Variants in ZNF471 observed in about 807,000 individuals in gnomAD.
ZNF471 encodes zinc finger protein 471, also known as EZFIT-related protein 1.
ZNF471 carries 7 observed loss-of-function variants against 13.7 expected under a neutral mutation model. The ratio of observed to expected loss-of-function variants is 0.51; its 90% CI spans 0.29 to 0.96. The LOEUF (loss-of-function observed/expected upper bound fraction) is 0.96. Ranked by LOEUF, ZNF471 falls within the 40% of genes least tolerant of loss-of-function variation. The pLI, the probability that ZNF471 is intolerant of heterozygous loss-of-function variation, is 0.08. For missense variants in ZNF471, 663 were observed against 743.3 expected (o/e 0.89, Z 1.26); for synonymous variants, 218 against 235.6 (o/e 0.93, Z 0.68).
At chr19:56,512,163 C>A (rs935019713) in intron 2 of ZNF471, among the ~76,000 whole-genome samples, 1 of 141,588 alleles carries the variant, frequency 7.1e-6, no homozygotes, top group Non-Finnish European at 1.6e-5. Flanking sequence ...ACAAAATTTA[C>A]AAACAAATTT....
Position 56,527,971 on chromosome 19 carries a change from G to A in ZNF471, c.*2023G>A, listed in dbSNP as rs1302181622. On this transcript the variant is annotated 3_prime_UTR_variant, in exon 5 of 5. Coordinates refer to ENST00000308031, the MANE Select transcript of ZNF471 (RefSeq NM_020813.4). ...TCATTACACAGGTGTCCAACCTTTTGTCTTCCCTGGGCCACATTGGAAGAA... is the reference window on the plus strand; with the variant it reads ...TCATTACACAGGTGTCCAACCTTTTATCTTCCCTGGGCCACATTGGAAGAA... The A allele has an allele frequency of 6.6e-6, 1 of 152,072 alleles. No individual in the cohort carries two copies. Among genetic ancestry groups the A allele is most frequent in the African/African-American group, 2.4e-5 (1 of 41,328 alleles). 9.4% of individuals were successfully genotyped at this position (152,072 alleles called of 1,614,324 possible). A position where few individuals can be genotyped will look rare whatever the true frequency, so the allele number is the denominator to read the frequency against.
chr19:56,509,013 T>C (rs945385415), intron 1 of ZNF471, among the ~76,000 whole-genome samples: 2 of 152,224 alleles, frequency 1.3e-5, no homozygotes, highest in East Asian at 1.9e-4. Flanking sequence ...GACAAAGTTA[T>C]GTTTCCTGGC....
chr19:56,516,426 A>C lies in ZNF471; in HGVS notation c.160+25A>C. ...GGTGAGGATCTTTTCCCTCCTGCATAATCTACCTTTAAGGAACTTTTTTGT... is the reference window on the plus strand; with the variant it reads ...GGTGAGGATCTTTTCCCTCCTGCATCATCTACCTTTAAGGAACTTTTTTGT... On this transcript the variant is annotated intron_variant, in intron 3 of 4. Transcript: ENST00000308031. This position sits in a 1 kb window ranked among gnomAD's most constrained non-coding sequence, Gnocchi z 4.4. The C allele has an allele frequency of 6.3e-7, 1 of 1,589,774 alleles. No individual in the cohort carries two copies. The highest frequency in any genetic ancestry group is 1.7e-4 in the Middle Eastern group (1 of 5,914).
chr19:56,524,880 CA>C lies in ZNF471; in HGVS notation c.816del (p.Lys272AsnfsTer117). On this transcript the variant is annotated frameshift_variant, in exon 5 of 5. Coordinates refer to ENST00000308031, the MANE Select transcript of ZNF471 (RefSeq NM_020813.4). LOFTEE classifies it low-confidence loss of function (END_TRUNC). This position sits in a 1 kb window ranked among gnomAD's most constrained non-coding sequence, Gnocchi z 4.8. ...FECKECRKAFKQSEHLIQHQR... is the reference protein window; with the variant it reads ...FECKECRKAFXQSEHLIQHQR... ...AATGTAAAGAATGTAGGAAAGCCTT[CA>C]AACAAAGTGAACACCTTATTCAGCA... 2 of 1,611,050 alleles carry C rather than the reference CA, an allele frequency of 1.2e-6. No homozygotes were observed. Among genetic ancestry groups the C allele is most frequent in the African/African-American group, 2.7e-5 (2 of 74,826 alleles).
rs753562215 is a variant in ZNF471, at chr19:56,524,528, C to T, written c.461C>T (p.Thr154Ile). 4 of 1,602,282 alleles carry T rather than the reference C, an allele frequency of 2.5e-6. No individual in the cohort carries two copies. The highest frequency in any genetic ancestry group is 2.5e-6 in the Non-Finnish European group (3 of 1,176,832). Reference sequence around the variant, plus strand: ...ATAATCACTCATAAAGAAACCATCACTAAGGAAACAGAATTCAAATATACT... The same window carrying T: ...ATAATCACTCATAAAGAAACCATCATTAAGGAAACAGAATTCAAATATACT... ...KEIITHKETI[T>I]KETEFKYTKF... Residue 154 changes from threonine to isoleucine, a missense_variant, in exon 5 of 5, where the codon ACT becomes ATT. By Grantham distance (89) the Thr-to-Ile change is moderately conservative (BLOSUM62 -1). Coordinates refer to ENST00000308031, the MANE Select transcript of ZNF471 (RefSeq NM_020813.4). This position sits in a 1 kb window ranked among gnomAD's most constrained non-coding sequence, Gnocchi z 4.8.
chr19:56,509,829 CTT>C, intron 1 of ZNF471: 1 of 984,818 alleles, frequency 1.0e-6, no homozygotes, highest in Middle Eastern at 5.2e-4. Context: ...TGTTTTTCCT[CTT>C]TGTCACCTGA....
rs780943357 is a variant in ZNF471 at position 56,518,535 on chromosome 19, C to A, written c.214C>A (p.Pro72Thr). ...VISLLEQGRE[P>T]WEMTSEMTRS... ...CTCCTTATTGGAGCAAGGGAGAGAG[C>A]CTTGGGAGATGACGAGTGAGATGAC... The change falls in exon 4 of 5, where the codon CCT (proline) becomes ACT (threonine). Residue 72 changes from proline to threonine, a missense_variant. Coordinates refer to ENST00000308031, the MANE Select transcript of ZNF471 (RefSeq NM_020813.4). The A allele has an allele frequency of 2.5e-6, 4 of 1,613,542 alleles. No homozygotes were observed. The Middle Eastern group carries it at 5.0e-4, about 200-fold the overall frequency.
intron 4 of ZNF471, among the ~76,000 whole-genome samples, chr19:56,521,654 A>AAC (rs1555765596): frequency 7.2e-6 from 1 of 138,586 alleles, no homozygotes; most frequent in Non-Finnish European, 1.6e-5. Flanking sequence ...AAAAAAAAAA[A>AAC]AAAAACTCTT....
rs575963178 is a variant in ZNF471 at position 56,516,038 on chromosome 19, C to T, written c.34-237C>T. 4.6e-5 allele frequency among the ~76,000 whole-genome samples: 7 copies of T among 152,282 alleles called. No homozygotes were observed. In the South Asian group the frequency reaches 1.2e-3, roughly 27 times the overall value. On this transcript the variant is annotated intron_variant, in intron 2 of 4. Coordinates refer to ENST00000308031, the MANE Select transcript of ZNF471 (RefSeq NM_020813.4). This position sits in a 1 kb window ranked among gnomAD's most constrained non-coding sequence, Gnocchi z 4.4. ...ACAGGTGTGTGTTCTCCCTTGAAGC[C>T]GTCTTCACTGCCTTGTAGTTATGCA...
chr19:56,516,241 C>G lies in ZNF471; in HGVS notation c.34-34C>G. ...ACTCAGAGTTATCTTTGGACACGAG[C>G]ATTGGTTGGTTAAGAATATATTTGT... is the stretch of plus-strand genomic sequence containing the variant. On this transcript the variant is annotated intron_variant, in intron 2 of 4. Coordinates refer to ENST00000308031, the MANE Select transcript of ZNF471 (RefSeq NM_020813.4). The surrounding 1 kb of genome is among the most constrained non-coding windows in gnomAD (Gnocchi z 4.4). The G allele has an allele frequency of 6.8e-6, 11 of 1,606,580 alleles. No individual in the cohort carries two copies. Among genetic ancestry groups the G allele is most frequent in the Non-Finnish European group, 9.4e-6 (11 of 1,175,168 alleles).
rs997450982 is a variant in ZNF471 at position 56,511,040 on chromosome 19, G to A, written c.-55-477G>A. On this transcript the variant is annotated intron_variant, in intron 1 of 4. Coordinates refer to ENST00000308031, the MANE Select transcript of ZNF471 (RefSeq NM_020813.4). ...CAGTGGTGGGGATTGAGTGAAGAAG[G>A]AGGATAACCCTGGCCTCTGGTGGCA... 13 of 984,990 alleles carry A rather than the reference G, an allele frequency of 1.3e-5. No individual in the cohort carries two copies. The African/African-American group carries it at 1.9e-4, about 15-fold the overall frequency. The allele number at this position is 984,990 out of a possible 1,614,324, so 61.0% of individuals were successfully genotyped here. A position where few individuals can be genotyped will look rare whatever the true frequency, so the allele number is the denominator to read the frequency against.
rs2044069860 is a variant in ZNF471 at position 56,528,172 on chromosome 19, C to T, written c.*2224C>T. 5 of 152,130 alleles carry T rather than the reference C, an allele frequency of 3.3e-5. No individual in the cohort carries two copies. The highest frequency in any genetic ancestry group is 7.2e-5 in the African/African-American group (3 of 41,434). 9.4% of individuals were successfully genotyped at this position (152,130 alleles called of 1,614,324 possible). A position where few individuals can be genotyped will look rare whatever the true frequency, so the allele number is the denominator to read the frequency against. On this transcript the variant is annotated 3_prime_UTR_variant, in exon 5 of 5. Transcript: ENST00000308031. ...ATTCTAAAACTTCATCCTCTTTTGTCCCTTTCGAGTTAACATTACAGCCAC... is the reference window on the plus strand; with the variant it reads ...ATTCTAAAACTTCATCCTCTTTTGTTCCTTTCGAGTTAACATTACAGCCAC...
chr19:56,525,148 T>C lies in ZNF471; in HGVS notation c.1081T>C (p.Phe361Leu). Residue 361 changes from phenylalanine to leucine, a missense_variant, in exon 5 of 5, where the codon TTT becomes CTT. Transcript: ENST00000308031. ...GAAGGCTTTTAGGTATAACACATCT[T>C]TTATTCGTCACTGGAGGAGTTATCA... The part of the protein sequence containing the change: ...CGKAFRYNTS[F>L]IRHWRSYHTG... The C allele has an allele frequency of 6.2e-7, 1 of 1,614,168 alleles. No individual in the cohort carries two copies. The highest frequency in any genetic ancestry group is 8.5e-7 in the Non-Finnish European group (1 of 1,180,024).
chr19:56,508,115 G>T lies in ZNF471; in HGVS notation c.-56+195G>T. ...AGGCCGCGGCTCGGGGCTGCTGGGC[G>T]TTCGGGGCGGCTTGGGGCGGCGGGA... is the stretch of plus-strand genomic sequence containing the variant. On this transcript the variant is annotated intron_variant, in intron 1 of 4. Transcript: ENST00000308031. The surrounding 1 kb of genome is among the most constrained non-coding windows in gnomAD (Gnocchi z 4.7). The T allele has an allele frequency of 1.0e-6, 1 of 985,448 alleles. No homozygotes were observed. Among genetic ancestry groups the T allele is most frequent in the Non-Finnish European group, 1.2e-6 (1 of 829,932 alleles). 61.0% of individuals were successfully genotyped at this position (985,448 alleles called of 1,614,324 possible).
At position 56,508,935 on chromosome 19, in the gene ZNF471, G is replaced by A. The variant is rs932801588; in HGVS notation, c.-56+1015G>A. Among the ~76,000 whole-genome samples the A allele has an allele frequency of 9.2e-5, 14 of 152,298 alleles. No homozygotes were observed. The highest frequency in any genetic ancestry group is 3.4e-4 in the African/African-American group (14 of 41,562). ...GAGAGAAAGAGACTAAACTGTGAGAGTCCAAAGAGTGAGACTAGGTTATGT... is the reference window on the plus strand; with the variant it reads ...GAGAGAAAGAGACTAAACTGTGAGAATCCAAAGAGTGAGACTAGGTTATGT... On this transcript the variant is annotated intron_variant, in intron 1 of 4. Transcript: ENST00000308031. The surrounding 1 kb of genome is among the most constrained non-coding windows in gnomAD (Gnocchi z 4.7).
chr19:56,511,484 C>T (rs755861244), intron 1 of ZNF471, 33 bp from the exon 2 acceptor site: 50 of 1,522,414 alleles, frequency 3.3e-5, no homozygotes, highest in Non-Finnish European at 4.3e-5. Context: ...GCATCTCTGG[C>T]CTCATCTCTC....
At chr19:56,512,610 A>T (rs536958863) in intron 2 of ZNF471, among the ~76,000 whole-genome samples, 11 of 144,684 alleles carry the variant, frequency 7.6e-5, no homozygotes, top group Non-Finnish European at 1.4e-4. Flanking sequence ...CACCTATATC[A>T]TGCACTAAAT....
Position 56,516,127 on chromosome 19 carries a change from A to C in ZNF471, c.34-148A>C. 4.2e-6 allele frequency: 3 copies of C among 709,252 alleles called. No homozygotes were observed. 43.9% of individuals were successfully genotyped at this position (709,252 alleles called of 1,614,324 possible). ...GTACCCAATGCAGTTAAACACTTCC[A>C]TAAGTACTGTTTTGGCTTGGATCTT... On this transcript the variant is annotated intron_variant, in intron 2 of 4. Coordinates refer to ENST00000308031, the MANE Select transcript of ZNF471 (RefSeq NM_020813.4). This position sits in a 1 kb window ranked among gnomAD's most constrained non-coding sequence, Gnocchi z 4.4.
At chr19:56,519,480 A>G (rs1600515998) in intron 4 of ZNF471, among the ~76,000 whole-genome samples, 1 of 152,052 alleles carries the variant, frequency 6.6e-6, no homozygotes, top group African/African-American at 2.4e-5. Flanking sequence ...ATAACTGTCC[A>G]CCAAGCCACT....
Sources: allele counts gnomAD v4.1 joint callset (sites outside exome capture counted in the v4.1 genomes callset), GRCh38; gene constraint gnomAD v4.1.1; non-coding constraint Gnocchi (gnomAD v3.1); transcripts MANE v1.5; gene names NCBI Gene and HGNC (gene_info 2026-07-23, HGNC 2026-07-21).